Variants in ATRNL1 observed in about 807,000 individuals in gnomAD.
ATRNL1 encodes attractin-like protein 1.
A neutral mutation model predicts 182.7 loss-of-function variants in ATRNL1; 95 were observed. The observed-to-expected ratio is 0.52, with a 90% CI of 0.44 to 0.62. The LOEUF is 0.62. Among genes scored for constraint, ATRNL1 ranks in the 20% least tolerant of loss-of-function variants. The probability of loss-of-function intolerance (pLI) is 0.00; values close to 1 mark genes in which losing one functional copy is unlikely to be tolerated. For missense variants in ATRNL1, 1,471 were observed against 1,679.5 expected (o/e 0.88, Z 2.17); for synonymous variants, 576 against 568.3 (o/e 1.01, Z -0.19).
chr10:115,527,987 TCCCTC>T lies in ATRNL1; in HGVS notation c.3716+8666_3716+8670del, dbSNP rs1565133224. Among the ~76,000 whole-genome samples the T allele has an allele frequency of 2.1e-3, 48 of 22,386 alleles. 2 individuals carry two copies. Among genetic ancestry groups the T allele is most frequent in the African/African-American group, 0.011 (46 of 4,172 alleles). The allele number at this position is 22,386 out of a possible 152,430, so 14.7% of individuals were successfully genotyped here. On this transcript the variant is annotated intron_variant, in intron 25 of 28. Transcript: ENST00000355044. ...CTCCCTCCCTCCTTCCCTCCCTCCCTCCCTCCCTCCCTTCCTTCCTTCCTTCCTTC... is the reference window on the plus strand; with the variant it reads ...CTCCCTCCCTCCTTCCCTCCCTCCCTCCTCCCTTCCTTCCTTCCTTCCTTC...
rs151117403 is a variant in ATRNL1 at position 115,669,490 on chromosome 10, G to A, written c.3796-57758G>A. On this transcript the variant is annotated intron_variant, in intron 26 of 28. Coordinates refer to ENST00000355044, the MANE Select transcript of ATRNL1 (RefSeq NM_207303.4). The stretch of plus-strand genomic sequence containing the variant: ...TTGCAACATGTATCTTTTTTTCTTT[G>A]CAACTGACATTCTATGTTCAGATTC... Among the ~76,000 whole-genome samples, 256 of 151,798 alleles carry A rather than the reference G, an allele frequency of 1.7e-3. 1 individual carries two copies. Among genetic ancestry groups the A allele is most frequent in the African/African-American group, 5.8e-3 (240 of 41,436 alleles).
At chr10:115,198,204 T>A (rs559390075) in intron 8 of ATRNL1, among the ~76,000 whole-genome samples, 31 of 152,304 alleles carry the variant, frequency 2.0e-4, no homozygotes, top group African/African-American at 7.5e-4. Flanking sequence ...TAATAACGAT[T>A]CTAACAGATG....
chr10:115,728,130 A>G (rs1466636706), intron 27 of ATRNL1, among the ~76,000 whole-genome samples: 116 of 45,168 alleles, frequency 2.6e-3, no homozygotes, highest in Middle Eastern at 8.8e-3. Context: ...AAAAAAAAGA[A>G]AAAAAAAAAA....
chr10:115,097,193 A>G (rs1313086567), intron 1 of ATRNL1, among the ~76,000 whole-genome samples: 1 of 152,192 alleles, frequency 6.6e-6, no homozygotes, highest in Admixed American at 6.5e-5. Flanking sequence ...CGCATTTAAA[A>G]TGGAAGTATG....
chr10:115,211,816 G>A (rs1849037760), intron 8 of ATRNL1, among the ~76,000 whole-genome samples: 1 of 143,298 alleles, frequency 7.0e-6, no homozygotes, highest in East Asian at 2.1e-4. Flanking sequence ...CTGTGTCTAT[G>A]TGTTCTCATC....
At chr10:115,522,115 A>G (rs10885730) in intron 25 of ATRNL1, among the ~76,000 whole-genome samples, 64,741 of 151,944 alleles carry the variant, frequency 0.43, 14,267 homozygotes, top group Middle Eastern at 0.54. Flanking sequence ...TTACAGACAT[A>G]CCCTGGCTCT....
intron 26 of ATRNL1, among the ~76,000 whole-genome samples, chr10:115,563,798 A>G (rs10509994): frequency 0.019 from 2,963 of 152,246 alleles, 64 homozygotes; most frequent in East Asian, 0.12. Flanking sequence ...ATTGTAAGGA[A>G]CATGGAAATA....
rs191537796 is a variant in ATRNL1 at position 115,883,914 on chromosome 10, G to T, written c.4018+35923G>T. Among the ~76,000 whole-genome samples the T allele has an allele frequency of 3.3e-5, 5 of 152,350 alleles. No homozygotes were observed. In the East Asian group the frequency reaches 9.6e-4, roughly 29 times the overall value. On this transcript the variant is annotated intron_variant, in intron 28 of 28. Transcript: ENST00000355044. ...GCCTGCAGTGGGGGCATTTGGAATG[G>T]ATATGAAGAATGACATTTTGAGTAG...
At chr10:115,578,013 T>G (rs1319725611) in intron 26 of ATRNL1, among the ~76,000 whole-genome samples, 1 of 151,876 alleles carries the variant, frequency 6.6e-6, no homozygotes, top group Non-Finnish European at 1.5e-5. Flanking sequence ...GACTTGATCC[T>G]GTGGTTTTTA....
chr10:115,272,757 A>G (rs1320524629), intron 13 of ATRNL1, among the ~76,000 whole-genome samples: 2 of 151,980 alleles, frequency 1.3e-5, no homozygotes, highest in African/African-American at 4.8e-5. Context: ...ACTGTAACTG[A>G]ATCATCAAAA....
intron 26 of ATRNL1, among the ~76,000 whole-genome samples, chr10:115,613,907 TG>T (rs782225335): frequency 2.6e-5 from 4 of 152,082 alleles, no homozygotes; most frequent in Non-Finnish European, 5.9e-5. Flanking sequence ...GGGTCTCCAC[TG>T]TTTTTTTCTT....
chr10:115,590,340 A>G (rs1386299353), intron 26 of ATRNL1, among the ~76,000 whole-genome samples: 1 of 152,116 alleles, frequency 6.6e-6, no homozygotes, highest in African/African-American at 2.4e-5. Flanking sequence ...TGATCTTAAA[A>G]GTTCTTTTCT....
At chr10:115,719,439 T>C (rs1376554737) in intron 26 of ATRNL1, among the ~76,000 whole-genome samples, 1 of 152,188 alleles carries the variant, frequency 6.6e-6, no homozygotes, top group African/African-American at 2.4e-5. Context: ...GATTTTCTTT[T>C]GAAAAAGTGT....
intron 24 of ATRNL1, among the ~76,000 whole-genome samples, chr10:115,513,929 A>G (rs1214850959): frequency 1.3e-5 from 2 of 152,042 alleles, no homozygotes; most frequent in East Asian, 1.9e-4. Flanking sequence ...CTGAGTCTAC[A>G]TTTACTCTTG....
At chr10:115,737,275 C>CCT (rs1452150458) in intron 27 of ATRNL1, among the ~76,000 whole-genome samples, 1 of 150,124 alleles carries the variant, frequency 6.7e-6, no homozygotes, top group African/African-American at 2.5e-5. Flanking sequence ...AACATCCCCC[C>CCT]CCCCCAAAAA....
intron 19 of ATRNL1, among the ~76,000 whole-genome samples, chr10:115,362,789 C>A (rs1410485886): frequency 6.6e-6 from 1 of 150,896 alleles, no homozygotes; most frequent in African/African-American, 2.5e-5. Context: ...TTTGTTCTTG[C>A]GATAGTTTAC....
chr10:115,544,163 A>G (rs1423245673), intron 25 of ATRNL1, among the ~76,000 whole-genome samples: 2 of 152,156 alleles, frequency 1.3e-5, no homozygotes, highest in Non-Finnish European at 1.5e-5. Context: ...AAAACATACT[A>G]GTGTTCAATG....
At chr10:115,134,747 G>C (rs1845424427) in intron 5 of ATRNL1, among the ~76,000 whole-genome samples, 1 of 152,130 alleles carries the variant, frequency 6.6e-6, no homozygotes, top group South Asian at 2.1e-4. Flanking sequence ...GAGAATTTTA[G>C]ACCAATATCT....
At chr10:115,460,105 A>G (rs1194225768) in intron 21 of ATRNL1, among the ~76,000 whole-genome samples, 2 of 152,048 alleles carry the variant, frequency 1.3e-5, no homozygotes, top group African/African-American at 4.8e-5. Flanking sequence ...CTCCTTTGCC[A>G]GTTTCTCTTC....
Sources: gnomAD v4.1 joint callset for allele counts (sites outside exome capture counted in the v4.1 genomes callset) on GRCh38, gnomAD v4.1.1 for gene constraint, MANE v1.5 for transcripts, NCBI Gene and HGNC (gene_info 2026-07-23, HGNC 2026-07-21) for gene names.